NRXN3: variants seen among roughly 807,000 people sequenced by gnomAD.
NRXN3 encodes neurexin III.
In NRXN3, 32 loss-of-function variants were observed where a neutral mutation model predicts 137.6. The ratio of observed to expected loss-of-function variants is 0.23; its 90% CI spans 0.18 to 0.31. The LOEUF (loss-of-function observed/expected upper bound fraction) is 0.31. NRXN3 is among the 10% of genes least tolerant of loss of function. The pLI is 1.00. For synonymous variants in NRXN3, 798 were observed against 784.5 expected (o/e 1.02, Z -0.29); for missense variants, 1,574 against 2,062.5 (o/e 0.76, Z 4.59).
At position 79,073,516 on chromosome 14, in the gene NRXN3, G is replaced by A. The variant is rs547678377; in HGVS notation, c.3262+85375G>A. On this transcript the variant is annotated intron_variant, in intron 15 of 20. Coordinates refer to ENST00000335750, the MANE Select transcript of NRXN3 (RefSeq NM_001330195.2). ...ATGTGAATAAAATCAATGCTGAAAT[G>A]GGAGTCCTAGTTAATCTATGTGATA... is the stretch of plus-strand genomic sequence containing the variant. Among the ~76,000 whole-genome samples the A allele has an allele frequency of 1.9e-4, 29 of 152,248 alleles. No homozygotes were observed. In the South Asian group the frequency reaches 4.8e-3, roughly 25 times the overall value.
chr14:78,860,261 T>A (rs2099068883), intron 10 of NRXN3, among the ~76,000 whole-genome samples: 1 of 152,196 alleles, frequency 6.6e-6, no homozygotes, highest in Non-Finnish European at 1.5e-5. Context: ...ATTTTTACTA[T>A]CATCCTTATC....
intron 15 of NRXN3, among the ~76,000 whole-genome samples, chr14:79,147,154 A>G (rs1230341638): frequency 6.6e-6 from 1 of 152,172 alleles, no homozygotes; most frequent in African/African-American, 2.4e-5. Context: ...TCTGTTTCCC[A>G]GTCAAAGTTT....
At chr14:79,466,602 AC>A (rs2096428896) in intron 15 of NRXN3, among the ~76,000 whole-genome samples, 1 of 151,942 alleles carries the variant, frequency 6.6e-6, no homozygotes, top group Non-Finnish European at 1.5e-5. Flanking sequence ...AGAAAAAAAA[AC>A]TCCTAGAAAT....
intron 4 of NRXN3, among the ~76,000 whole-genome samples, chr14:78,533,582 C>G (rs1000876515): frequency 1.3e-5 from 2 of 152,220 alleles, no homozygotes; most frequent in African/African-American, 4.8e-5. Context: ...ACAACACCCA[C>G]AGTTGCTAGT....
At chr14:78,878,560 C>T (rs2099119462) in intron 10 of NRXN3, among the ~76,000 whole-genome samples, 1 of 152,082 alleles carries the variant, frequency 6.6e-6, no homozygotes, top group South Asian at 2.1e-4. Context: ...CAGCAGAAGC[C>T]ACCAGAATGT....
intron 15 of NRXN3, among the ~76,000 whole-genome samples, chr14:79,071,437 T>C (rs878923975): frequency 2.3e-4 from 35 of 152,290 alleles, no homozygotes; most frequent in African/African-American, 7.7e-4. Context: ...CCTGTGTCCA[T>C]GTGTTCTCAT....
intron 4 of NRXN3, among the ~76,000 whole-genome samples, chr14:78,449,287 A>G (rs1169385765): frequency 1.3e-5 from 2 of 152,134 alleles, no homozygotes; most frequent in Non-Finnish European, 2.9e-5. Flanking sequence ...ATCTTGGCTC[A>G]CCGTAACCTC....
chr14:78,195,251 C>A (rs1407606469), intron 1 of NRXN3, among the ~76,000 whole-genome samples: 1 of 152,154 alleles, frequency 6.6e-6, no homozygotes, highest in Non-Finnish European at 1.5e-5. Flanking sequence ...CTGGTGTCAT[C>A]CATTTGTTTC....
At chr14:79,286,243 T>C (rs2082231711) in intron 15 of NRXN3, among the ~76,000 whole-genome samples, 1 of 152,096 alleles carries the variant, frequency 6.6e-6, no homozygotes, top group African/African-American at 2.4e-5. Flanking sequence ...TGCCACTGAC[T>C]CCTTTATGAA....
At chr14:79,477,069 G>T (rs1213580271) in intron 16 of NRXN3, among the ~76,000 whole-genome samples, 2 of 151,912 alleles carry the variant, frequency 1.3e-5, no homozygotes, top group African/African-American at 4.8e-5. Flanking sequence ...TTTAAAAACA[G>T]AATCAGCTAT....
intron 4 of NRXN3, among the ~76,000 whole-genome samples, chr14:78,332,648 C>A (rs1486654390): frequency 6.6e-6 from 1 of 152,138 alleles, no homozygotes; most frequent in Admixed American, 6.5e-5. Flanking sequence ...CACACTGCCC[C>A]CTTCCATGGA....
intron 15 of NRXN3, among the ~76,000 whole-genome samples, chr14:79,378,097 C>G (rs2094358419): frequency 6.6e-6 from 1 of 152,170 alleles, no homozygotes; most frequent in Non-Finnish European, 1.5e-5. Context: ...ATTCTGAGAG[C>G]AAACCAGATG....
intron 16 of NRXN3, among the ~76,000 whole-genome samples, chr14:79,592,985 T>C (rs1329731307): frequency 6.6e-6 from 1 of 152,210 alleles, no homozygotes; most frequent in Non-Finnish European, 1.5e-5. Flanking sequence ...TTTAACTTTC[T>C]GGTATTTCAA....
At chr14:78,857,313 A>G (rs1414701465) in intron 10 of NRXN3, among the ~76,000 whole-genome samples, 1 of 152,174 alleles carries the variant, frequency 6.6e-6, no homozygotes, top group Non-Finnish European at 1.5e-5. Context: ...AATGAGCCAA[A>G]AGAAAAAATG....
chr14:78,185,446 T>C (rs2060153413), intron 1 of NRXN3, among the ~76,000 whole-genome samples: 1 of 152,006 alleles, frequency 6.6e-6, no homozygotes, highest in Admixed American at 6.5e-5. Flanking sequence ...TTCCAGCACA[T>C]GGGTGGAGGG....
intron 4 of NRXN3, among the ~76,000 whole-genome samples, chr14:78,601,203 C>T (rs2097198688): frequency 6.6e-6 from 1 of 152,170 alleles, no homozygotes; most frequent in African/African-American, 2.4e-5. Context: ...TCAGTAATAT[C>T]ACTGACTGTA....
At chr14:78,951,311 C>A (rs2099386638) in intron 10 of NRXN3, among the ~76,000 whole-genome samples, 1 of 152,060 alleles carries the variant, frequency 6.6e-6, no homozygotes, top group South Asian at 2.1e-4. Flanking sequence ...AGGTTTGTAC[C>A]ATGTCATTAG....
intron 1 of NRXN3, among the ~76,000 whole-genome samples, chr14:78,226,609 A>C (rs1170636166): frequency 1.3e-5 from 2 of 152,220 alleles, no homozygotes; most frequent in African/African-American, 2.4e-5. Flanking sequence ...ATTAGTCCTG[A>C]TTGTATAATA....
In NRXN3 at chr14:79,619,364, C is replaced by T. The variant is rs976115696; in HGVS notation, c.3445-44414C>T. Among the ~76,000 whole-genome samples the T allele has an allele frequency of 8.5e-5, 13 of 152,140 alleles. No homozygotes were observed. In the East Asian group the frequency reaches 2.5e-3, roughly 29 times the overall value. ...TCTCACATTTAAGTTTTCAATCTAT[C>T]TTAAATAATATTTGTATATGGTGAG... On this transcript the variant is annotated intron_variant, in intron 16 of 20. Transcript: ENST00000335750.
Sources: gnomAD v4.1 joint callset for allele counts (sites outside exome capture counted in the v4.1 genomes callset) on GRCh38, gnomAD v4.1.1 for gene constraint, MANE v1.5 for transcripts, NCBI Gene and HGNC (gene_info 2026-07-23, HGNC 2026-07-21) for gene names.